KRT86: variants seen among roughly 807,000 people sequenced by gnomAD.
KRT86 encodes the protein keratin 86.
KRT86 carries 30 observed loss-of-function variants against 41.2 expected under a neutral mutation model. The observed-to-expected ratio is 0.73, with a 90% CI of 0.54 to 0.99. The LOEUF is 0.99. KRT86 is among the 50% of genes least tolerant of loss of function. The pLI is 0.00. For missense variants in KRT86, 561 were observed against 571.4 expected, an observed-to-expected ratio of 0.98 and a Z score of 0.19; for synonymous variants, 238 against 238.1, an observed-to-expected ratio of 1.00 and a Z score of 0.00.
At position 52,308,762 on chromosome 12, in the gene KRT86, G is replaced by C. The variant is rs962968764; in HGVS notation, c.*177G>C. 3 of 612,752 alleles carry C rather than the reference G, an allele frequency of 4.9e-6. No individual in the cohort carries two copies. The South Asian group carries it at 5.9e-5, about 12-fold the overall frequency. 38.0% of individuals were successfully genotyped at this position (612,752 alleles called of 1,614,324 possible). A position where few individuals can be genotyped will look rare whatever the true frequency, so the allele number is the denominator to read the frequency against. ...CCATCCCCGGTCGCAGGAGTCCGGG[G>C]AGGGCCGGGAGGCGCCATGGTCTCT... On this transcript the variant is annotated 3_prime_UTR_variant, in exon 11 of 11. Coordinates refer to ENST00000423955, the MANE Select transcript of KRT86 (RefSeq NM_001320198.2).
intron 2 of KRT86, among the ~76,000 whole-genome samples, chr12:52,294,762 C>T (rs1014651752): frequency 2.0e-5 from 3 of 152,182 alleles, no homozygotes; most frequent in African/African-American, 7.2e-5. Flanking sequence ...GGTGACTCCT[C>T]TCTTGCATTT....
chr12:52,280,643 G>A (rs1291418479), intron 2 of KRT86, among the ~76,000 whole-genome samples: 1 of 152,220 alleles, frequency 6.6e-6, no homozygotes, highest in African/African-American at 2.4e-5. Flanking sequence ...CTAGCCGGAT[G>A]CCACCCTCCT....
At chr12:52,296,468 G>T (rs144619821) in intron 2 of KRT86, among the ~76,000 whole-genome samples, 7 of 152,164 alleles carry the variant, frequency 4.6e-5, no homozygotes, top group Non-Finnish European at 1.0e-4. Context: ...GGGCGAGGGA[G>T]GTGCAGGCAC....
chr12:52,293,775 C>T (rs1052707643), intron 2 of KRT86, among the ~76,000 whole-genome samples: 2 of 152,078 alleles, frequency 1.3e-5, no homozygotes, highest in Non-Finnish European at 2.9e-5. Context: ...AGAGCAGGTC[C>T]TAGAAAAATT....
intron 2 of KRT86, among the ~76,000 whole-genome samples, chr12:52,283,885 CG>C (rs1937840929): frequency 6.6e-6 from 1 of 152,116 alleles, no homozygotes; most frequent in Non-Finnish European, 1.5e-5. Flanking sequence ...ATTCTGCACC[CG>C]GGGCATTATG....
intron 5 of KRT86, among the ~76,000 whole-genome samples, chr12:52,304,549 AG>A (rs554427483): frequency 2.0e-4 from 30 of 151,892 alleles, no homozygotes; most frequent in African/African-American, 6.0e-4. Flanking sequence ...ACACAATCCC[AG>A]GTTCTAAGGG....
intron 2 of KRT86, among the ~76,000 whole-genome samples, chr12:52,297,627 G>T (rs1350695693): frequency 6.6e-6 from 1 of 152,066 alleles, no homozygotes; most frequent in African/African-American, 2.4e-5. Context: ...GGTCCACTTG[G>T]GCTAAAAGAA....
intron 2 of KRT86, chr12:52,291,162 C>T (rs1240912447): frequency 1.8e-6 from 2 of 1,142,810 alleles, no homozygotes; most frequent in East Asian, 2.6e-5. Flanking sequence ...TCCTGCTTCA[C>T]GCACTGCGCG....
At chr12:52,291,596 A>G in intron 2 of KRT86, 1 of 1,423,932 alleles carries the variant, frequency 7.0e-7, no homozygotes, top group East Asian at 2.5e-5. Context: ...GGCTGTGAAG[A>G]TGATGTTGGG....
chr12:52,286,277 C>G, intron 2 of KRT86: 1 of 1,553,928 alleles, frequency 6.4e-7, no homozygotes, highest in Non-Finnish European at 8.7e-7. Context: ...GCAGCTGCTG[C>G]CGCAAGACCC....
chr12:52,291,382 G>A, intron 2 of KRT86: 4 of 1,606,382 alleles, frequency 2.5e-6, no homozygotes, highest in South Asian at 1.1e-5. Context: ...AGGGGGCGGC[G>A]GTGATGCAGC....
intron 9 of KRT86, 34 bp from the exon 10 acceptor site, chr12:52,308,199 C>G: frequency 6.2e-7 from 1 of 1,614,080 alleles, no homozygotes; most frequent in Non-Finnish European, 8.5e-7. Context: ...GCGCCTTTTC[C>G]GCGGCACTGA....
In KRT86 at chr12:52,274,697, G is replaced by A; in HGVS notation, c.-156G>A. ...GGCTTTGGTGCTCAAGAGAGGCTTG[G>A]AGGAGACCACAGTTCTTTCTCCATG... On this transcript the variant is annotated 5_prime_UTR_variant, in exon 1 of 11. Transcript: ENST00000423955. 1 of 985,430 alleles carries A rather than the reference G, an allele frequency of 1.0e-6. No individual in the cohort carries two copies. The highest frequency in any genetic ancestry group is 1.2e-6 in the Non-Finnish European group (1 of 829,948). 61.0% of individuals were successfully genotyped at this position (985,430 alleles called of 1,614,324 possible).
At chr12:52,296,445 G>A (rs1938253334) in intron 2 of KRT86, among the ~76,000 whole-genome samples, 1 of 152,182 alleles carries the variant, frequency 6.6e-6, no homozygotes, top group Non-Finnish European at 1.5e-5. Context: ...AACCCTCACA[G>A]GGCAGGGACA....
intron 2 of KRT86, chr12:52,287,801 T>A (rs1440212403): frequency 2.2e-5 from 35 of 1,612,698 alleles, no homozygotes; most frequent in Non-Finnish European, 2.5e-5. Context: ...TTTTGCAGGT[T>A]GTACAGTGCT....
Position 52,307,874 on chromosome 12 carries a change from G to A in KRT86, c.1248-359G>A, listed in dbSNP as rs192892303. On this transcript the variant is annotated intron_variant, in intron 9 of 10. Coordinates refer to ENST00000423955, the MANE Select transcript of KRT86 (RefSeq NM_001320198.2). ...AGTCAGAACCAACTTCGAGGTAGTGGCAGCTAATAGCTCTTAAGGGCTATG... is the reference window on the plus strand; with the variant it reads ...AGTCAGAACCAACTTCGAGGTAGTGACAGCTAATAGCTCTTAAGGGCTATG... Among the ~76,000 whole-genome samples the A allele has an allele frequency of 1.5e-3, 227 of 152,334 alleles. 3 individuals carry two copies. Among genetic ancestry groups the A allele is most frequent in the African/African-American group, 5.3e-3 (220 of 41,578 alleles).
intron 2 of KRT86, among the ~76,000 whole-genome samples, chr12:52,299,860 T>G (rs1338739762): frequency 6.6e-6 from 1 of 152,258 alleles, no homozygotes; most frequent in African/African-American, 2.4e-5. Flanking sequence ...GTCAGTTGAA[T>G]AGTTTGCAAA....
chr12:52,279,589 G>A (rs902768135), intron 2 of KRT86, among the ~76,000 whole-genome samples: 8 of 152,168 alleles, frequency 5.3e-5, no homozygotes, highest in South Asian at 2.1e-4. Flanking sequence ...CATTCCCAGA[G>A]CACAGACAAA....
chr12:52,295,405 A>T (rs1179140879), intron 2 of KRT86, among the ~76,000 whole-genome samples: 1 of 152,192 alleles, frequency 6.6e-6, no homozygotes, highest in East Asian at 1.9e-4. Context: ...TGTGTGTCTG[A>T]TCCCAAAGGA....
Sources: allele counts gnomAD v4.1 joint callset (sites outside exome capture counted in the v4.1 genomes callset), GRCh38; gene constraint gnomAD v4.1.1; transcripts MANE v1.5; gene names NCBI Gene and HGNC (gene_info 2026-07-23, HGNC 2026-07-21).